PDE4D: variants seen among roughly 807,000 people sequenced by gnomAD.
PDE4D encodes phosphodiesterase 4D, also known as 3',5'-cyclic-AMP phosphodiesterase 4D.
PDE4D carries 24 observed loss-of-function variants against 87.4 expected under a neutral mutation model. The ratio of observed to expected loss-of-function variants is 0.27; its 90% CI spans 0.20 to 0.39. The LOEUF is 0.39. PDE4D is among the 10% of genes least tolerant of loss of function. The pLI is 1.00. For missense variants in PDE4D, 714 were observed against 1,041.0 expected, an observed-to-expected ratio of 0.69 and a Z score of 4.32; for synonymous variants, 384 against 383.2, an observed-to-expected ratio of 1.00 and a Z score of -0.02.
chr5:59,416,516 G>A (rs1793639723), intron 1 of PDE4D, among the ~76,000 whole-genome samples: 1 of 152,120 alleles, frequency 6.6e-6, no homozygotes, highest in Non-Finnish European at 1.5e-5. Flanking sequence ...TAAACTAAAG[G>A]TGGACAACTT....
At chr5:60,180,126 G>C (rs1183150264) in intron 2 of PDE4D, among the ~76,000 whole-genome samples, 1 of 152,124 alleles carries the variant, frequency 6.6e-6, no homozygotes, top group Non-Finnish European at 1.5e-5. Context: ...GAAAAAAGTG[G>C]AACTTTTTCC....
intron 1 of PDE4D, among the ~76,000 whole-genome samples, chr5:59,287,638 A>T (rs1767223423): frequency 6.6e-6 from 1 of 151,126 alleles, no homozygotes; most frequent in Non-Finnish European, 1.5e-5. Context: ...TTCAGGTCTG[A>T]CCCTATGCAG....
chr5:59,192,753 A>C (rs1744624992), intron 3 of PDE4D, among the ~76,000 whole-genome samples: 2 of 152,200 alleles, frequency 1.3e-5, no homozygotes, highest in Admixed American at 1.3e-4. Flanking sequence ...TCTATACCAG[A>C]GACTCTCAAC....
At chr5:60,349,246 G>T (rs561735845) in intron 1 of PDE4D, among the ~76,000 whole-genome samples, 1 of 152,102 alleles carries the variant, frequency 6.6e-6, no homozygotes, top group South Asian at 2.1e-4. Context: ...GGATATTTTC[G>T]TATTAAATAC....
intron 5 of PDE4D, chr5:59,172,779 A>G (rs1035561642): frequency 2.0e-5 from 3 of 152,026 alleles, no homozygotes; most frequent in Non-Finnish European, 4.4e-5. Flanking sequence ...GTACTTAACT[A>G]TTTATAATTC....
chr5:59,309,043 A>C (rs1772020876), intron 1 of PDE4D, among the ~76,000 whole-genome samples: 1 of 152,098 alleles, frequency 6.6e-6, no homozygotes, highest in South Asian at 2.1e-4. Context: ...CAGCAGTCAC[A>C]GGCCTCACTC....
At chr5:60,317,990 A>G (rs1199291059) in intron 1 of PDE4D, among the ~76,000 whole-genome samples, 1 of 152,164 alleles carries the variant, frequency 6.6e-6, no homozygotes, top group Admixed American at 6.5e-5. Context: ...AGTTCTGTAG[A>G]TGTCTATTAG....
chr5:59,557,821 GA>G (rs1819226655), intron 1 of PDE4D, among the ~76,000 whole-genome samples: 1 of 152,114 alleles, frequency 6.6e-6, no homozygotes, highest in African/African-American at 2.4e-5. Context: ...CACCTAAAGG[GA>G]AGAAAGTATA....
intron 1 of PDE4D, among the ~76,000 whole-genome samples, chr5:59,378,034 G>A (rs244586): frequency 0.37 from 56,753 of 151,812 alleles, 10,871 homozygotes; most frequent in Non-Finnish European, 0.41. Flanking sequence ...TAACCTAAAC[G>A]CCCATCAATG....
intron 1 of PDE4D, among the ~76,000 whole-genome samples, chr5:59,615,184 T>C (rs984931395): frequency 2.0e-5 from 3 of 152,152 alleles, no homozygotes; most frequent in Non-Finnish European, 4.4e-5. Flanking sequence ...TTACCTGGAC[T>C]TCATTAATAT....
At chr5:60,141,413 G>A (rs1216426641) in intron 2 of PDE4D, among the ~76,000 whole-genome samples, 2 of 152,122 alleles carry the variant, frequency 1.3e-5, no homozygotes, top group East Asian at 3.9e-4. Context: ...TCCAGCAACA[G>A]AACAAGTAAG....
intron 1 of PDE4D, among the ~76,000 whole-genome samples, chr5:59,548,115 A>C (rs1817573425): frequency 6.6e-6 from 1 of 152,182 alleles, no homozygotes; most frequent in Admixed American, 6.6e-5. Context: ...CACAACCATT[A>C]AAACTAGCTG....
At chr5:59,796,712 AT>A (rs1484297129) in intron 1 of PDE4D, among the ~76,000 whole-genome samples, 3 of 152,324 alleles carry the variant, frequency 2.0e-5, no homozygotes, top group African/African-American at 7.2e-5. Context: ...GATGACACTT[AT>A]TTTAAGTTTT....
chr5:59,806,066 G>A (rs958471298), intron 1 of PDE4D, among the ~76,000 whole-genome samples: 2 of 152,040 alleles, frequency 1.3e-5, no homozygotes, highest in Non-Finnish European at 2.9e-5. Context: ...CCTGTTTTCT[G>A]TTTCGTTATC....
intron 1 of PDE4D, chr5:59,275,501 C>T: frequency 1.3e-6 from 2 of 1,502,328 alleles, no homozygotes; most frequent in Non-Finnish European, 1.8e-6. Context: ...ATTCCATTTC[C>T]AAGGGAGGCT....
chr5:59,781,714 G>A (rs1309218589), intron 1 of PDE4D, among the ~76,000 whole-genome samples: 1 of 149,210 alleles, frequency 6.7e-6, no homozygotes, highest in Non-Finnish European at 1.5e-5. Context: ...GAATCCAGGA[G>A]GCGGAGGTTG....
In PDE4D at chr5:58,970,801, A is replaced by G. The variant is rs866405146; in HGVS notation, c.*3863T>C. On this transcript the variant is annotated 3_prime_UTR_variant, in exon 15 of 15. Transcript: ENST00000340635. ...TAAACTCTGGCTCCAATTTCAAATCAAGTCCATTTTCCTATGAGCTCTAGA... is the reference window on the plus strand; with the variant it reads ...TAAACTCTGGCTCCAATTTCAAATCGAGTCCATTTTCCTATGAGCTCTAGA... 25 of 152,110 alleles carry G rather than the reference A, an allele frequency of 1.6e-4. No homozygotes were observed. Among genetic ancestry groups the G allele is most frequent in the African/African-American group, 5.8e-4 (24 of 41,432 alleles). The allele number at this position is 152,110 out of a possible 1,614,324, so 9.4% of individuals were successfully genotyped here. A position where few individuals can be genotyped will look rare whatever the true frequency, so the allele number is the denominator to read the frequency against.
At position 59,678,151 on chromosome 5, in the gene PDE4D, T is replaced by G. The variant is rs116739420; in HGVS notation, c.455+215017A>C. On this transcript the variant is annotated intron_variant, in intron 1 of 14. Coordinates refer to ENST00000340635, the MANE Select transcript of PDE4D (RefSeq NM_001104631.2). ...GTCTCAAAAAGAGTAAAAAAAAATGTCTTGGCTTGCTTTCAAGAAATGAGC... is the reference window on the plus strand; with the variant it reads ...GTCTCAAAAAGAGTAAAAAAAAATGGCTTGGCTTGCTTTCAAGAAATGAGC... 7.6e-3 allele frequency among the ~76,000 whole-genome samples: 1,157 copies of G among 152,258 alleles called. 8 individuals are homozygous for G. Among genetic ancestry groups the G allele is most frequent in the Non-Finnish European group, 0.012 (805 of 68,004 alleles).
Position 60,110,701 on chromosome 5 carries a change from A to G in PDE4D, c.42+74856T>C, listed in dbSNP as rs1777584254. ...AATATATCAGAGGGATACCTCTACC[A>G]TCATGTTTATTGCGGCACTACTTAT... On this transcript the variant is annotated intron_variant, in intron 2 of 16. Transcript: ENST00000502484. Among the ~76,000 whole-genome samples, 3 of 152,108 alleles carry G rather than the reference A, an allele frequency of 2.0e-5. No homozygotes were observed. In the South Asian group the frequency reaches 6.2e-4, roughly 32 times the overall value.
Sources: allele counts gnomAD v4.1 joint callset (sites outside exome capture counted in the v4.1 genomes callset), GRCh38; gene constraint gnomAD v4.1.1; transcripts MANE v1.5; gene names NCBI Gene and HGNC (gene_info 2026-07-23, HGNC 2026-07-21).